NDUFAF2: variants seen among roughly 807,000 people sequenced by gnomAD.
NDUFAF2 encodes NADH:ubiquinone oxidoreductase complex assembly factor 2, also known as NADH dehydrogenase [ubiquinone] 1 alpha subcomplex assembly factor 2.
A neutral mutation model predicts 22.8 loss-of-function variants in NDUFAF2; 13 were observed. The ratio of observed to expected loss-of-function variants is 0.57; its 90% CI spans 0.37 to 0.91. The LOEUF (loss-of-function observed/expected upper bound fraction) is 0.91, where lower values mean the gene tolerates loss of function less well. Among genes scored for constraint, NDUFAF2 ranks in the 40% least tolerant of loss-of-function variants. The pLI is 0.01. For synonymous variants in NDUFAF2, 53 were observed against 64.2 expected, an observed-to-expected ratio of 0.83 and a Z score of 0.84; for missense variants, 162 against 195.2, an observed-to-expected ratio of 0.83 and a Z score of 1.01.
intron 1 of NDUFAF2, among the ~76,000 whole-genome samples, chr5:61,060,643 A>G (rs900815059): frequency 6.6e-6 from 1 of 152,138 alleles, no homozygotes; most frequent in African/African-American, 2.4e-5. Flanking sequence ...CAAGGGAACA[A>G]CTATCTCAGA....
chr5:60,988,791 C>T (rs187463349), intron 1 of NDUFAF2, among the ~76,000 whole-genome samples: 18 of 151,050 alleles, frequency 1.2e-4, no homozygotes, highest in Admixed American at 2.0e-4. Context: ...AAGAATATAA[C>T]GCTGTAAATG....
At chr5:61,061,777 C>A (rs1217854522) in intron 1 of NDUFAF2, among the ~76,000 whole-genome samples, 1 of 152,128 alleles carries the variant, frequency 6.6e-6, no homozygotes, top group Non-Finnish European at 1.5e-5. Context: ...GCCTGTGAGC[C>A]ATGTCAGATC....
Position 60,980,864 on chromosome 5 carries a change from G to A in NDUFAF2, c.127+35482G>A, listed in dbSNP as rs1750967548. Among the ~76,000 whole-genome samples, 4 of 151,820 alleles carry A rather than the reference G, an allele frequency of 2.6e-5. No homozygotes were observed. In the South Asian group the frequency reaches 8.3e-4, roughly 31 times the overall value. On this transcript the variant is annotated intron_variant, in intron 1 of 3. Coordinates refer to ENST00000296597, the MANE Select transcript of NDUFAF2 (RefSeq NM_174889.5). ...AGAAGAATTAGTGAGCTTGAAGATG[G>A]GCTATTTAAAAATATACGGTCAAAG...
intron 1 of NDUFAF2, among the ~76,000 whole-genome samples, chr5:60,990,486 A>G (rs1335949092): frequency 6.6e-6 from 1 of 152,196 alleles, no homozygotes; most frequent in African/African-American, 2.4e-5. Context: ...ATGTAGAAGT[A>G]GAATATATAA....
chr5:61,033,052 ATTTG>A (rs1357208824), intron 1 of NDUFAF2, among the ~76,000 whole-genome samples: 4 of 151,970 alleles, frequency 2.6e-5, no homozygotes, highest in Non-Finnish European at 5.9e-5. Context: ...ATGTTTTTCC[ATTTG>A]TTTGTGTCCT....
At chr5:61,035,549 C>T (rs367644780) in intron 1 of NDUFAF2, among the ~76,000 whole-genome samples, 7 of 150,122 alleles carry the variant, frequency 4.7e-5, no homozygotes, top group African/African-American at 1.2e-4. Flanking sequence ...CCCAAGCTTC[C>T]GGAAACACCA....
chr5:60,950,787 C>T (rs887777615), intron 1 of NDUFAF2, among the ~76,000 whole-genome samples: 1 of 151,962 alleles, frequency 6.6e-6, no homozygotes, highest in African/African-American at 2.4e-5. Context: ...TTCCTGCTCC[C>T]CCAATGCAGT....
At chr5:61,063,037 A>G (rs1330476012) in intron 1 of NDUFAF2, among the ~76,000 whole-genome samples, 2 of 152,186 alleles carry the variant, frequency 1.3e-5, no homozygotes, top group African/African-American at 2.4e-5. Context: ...TAGTCCTTCC[A>G]TACAAGACAT....
At position 61,100,935 on chromosome 5, in the gene NDUFAF2, A is replaced by G. The variant is rs548773439; in HGVS notation, c.258+1903A>G. ...GATGGTCGAGATTAGAACCTGGAAT[A>G]TGGTCTTCTCCTTTCAATGCTTTCC... On this transcript the variant is annotated intron_variant, in intron 3 of 3. Coordinates refer to ENST00000296597, the MANE Select transcript of NDUFAF2 (RefSeq NM_174889.5). Among the ~76,000 whole-genome samples, 4 of 152,220 alleles carry G rather than the reference A, an allele frequency of 2.6e-5. No individual in the cohort carries two copies. The East Asian group carries it at 5.8e-4, about 22-fold the overall frequency.
At chr5:61,059,446 C>T (rs1752137390) in intron 1 of NDUFAF2, among the ~76,000 whole-genome samples, 1 of 151,982 alleles carries the variant, frequency 6.6e-6, no homozygotes, top group African/African-American at 2.4e-5. Flanking sequence ...TTAATGAAGT[C>T]CAGTTTAAAC....
intron 1 of NDUFAF2, among the ~76,000 whole-genome samples, chr5:60,957,606 G>A (rs1174721189): frequency 6.6e-6 from 1 of 151,486 alleles, no homozygotes; most frequent in Non-Finnish European, 1.5e-5. Context: ...TTGCAGCATA[G>A]CCCTCAATTT....
chr5:61,147,495 A>G (rs1188106655), intron 3 of NDUFAF2, among the ~76,000 whole-genome samples: 9 of 127,136 alleles, frequency 7.1e-5, no homozygotes, highest in Admixed American at 6.0e-4. Context: ...GCTGGTCATG[A>G]ACTCCTGGAC....
intron 2 of NDUFAF2, among the ~76,000 whole-genome samples, chr5:61,084,690 A>G (rs902201257): frequency 2.6e-5 from 4 of 152,224 alleles, no homozygotes; most frequent in African/African-American, 9.6e-5. Flanking sequence ...ATTCCATTGT[A>G]TATAGATACC....
chr5:61,137,053 C>T (rs1024233490), intron 3 of NDUFAF2, among the ~76,000 whole-genome samples: 7 of 152,186 alleles, frequency 4.6e-5, no homozygotes, highest in African/African-American at 7.2e-5. Flanking sequence ...TTACCAATGC[C>T]GTTTTTATTA....
intron 3 of NDUFAF2, among the ~76,000 whole-genome samples, chr5:61,149,926 G>T (rs13159442): frequency 1.6e-4 from 25 of 151,884 alleles, no homozygotes; most frequent in East Asian, 3.9e-4. Context: ...TTGTTTGGGG[G>T]TTTTTTTGTT....
chr5:61,073,100 T>G, intron 1 of NDUFAF2, 25 bp from the exon 2 acceptor site: 1 of 1,432,256 alleles, frequency 7.0e-7, no homozygotes, highest in Non-Finnish European at 9.8e-7. Flanking sequence ...CATTTAAAAA[T>G]GTATTAATGA....
intron 1 of NDUFAF2, among the ~76,000 whole-genome samples, chr5:60,994,052 C>T (rs1217922012): frequency 6.6e-6 from 1 of 152,228 alleles, no homozygotes; most frequent in Non-Finnish European, 1.5e-5. Context: ...CTCAGTCCCC[C>T]ACGGCTTCCC....
intron 3 of NDUFAF2, among the ~76,000 whole-genome samples, chr5:61,107,303 T>C (rs1752779964): frequency 6.6e-6 from 1 of 151,310 alleles, no homozygotes; most frequent in African/African-American, 2.5e-5. Context: ...TGATATCTCG[T>C]TGTAGTTTTG....
chr5:60,967,823 T>A (rs1413749433), intron 1 of NDUFAF2, among the ~76,000 whole-genome samples: 1 of 150,792 alleles, frequency 6.6e-6, no homozygotes, highest in African/African-American at 2.4e-5. Flanking sequence ...AATGTCCCTT[T>A]CTGGCCTTGG....
Sources: gnomAD v4.1 joint callset for allele counts (sites outside exome capture counted in the v4.1 genomes callset) on GRCh38, gnomAD v4.1.1 for gene constraint, MANE v1.5 for transcripts, NCBI Gene and HGNC (gene_info 2026-07-23, HGNC 2026-07-21) for gene names.